Variants in TPD52 observed in about 807,000 individuals in gnomAD.
TPD52 encodes prostate and colon associated protein.
Under a neutral mutation model 31.3 loss-of-function variants are expected in TPD52, and 17 were observed. That is an observed-to-expected ratio of 0.54 (90% CI 0.37 to 0.82). TPD52 has a LOEUF of 0.82. Among genes scored for constraint, TPD52 ranks in the 40% least tolerant of loss-of-function variants. The pLI is 0.00. For synonymous variants in TPD52, 83 were observed against 89.6 expected, an observed-to-expected ratio of 0.93 and a Z score of 0.42; for missense variants, 212 against 240.1, an observed-to-expected ratio of 0.88 and a Z score of 0.77.
chr8:80,044,669 G>A (rs1563563879), intron 5 of TPD52, among the ~76,000 whole-genome samples: 2 of 152,040 alleles, frequency 1.3e-5, no homozygotes, highest in Non-Finnish European at 2.9e-5. Flanking sequence ...GCCCACTCAA[G>A]GACAATGCAG....
intron 1 of TPD52, chr8:80,123,138 A>C (rs1808373568): frequency 6.6e-6 from 1 of 152,290 alleles, no homozygotes. Context: ...TAAGGTAGAG[A>C]GGTGACAGTT....
At chr8:80,045,079 T>C (rs1810711567) in intron 5 of TPD52, among the ~76,000 whole-genome samples, 1 of 152,186 alleles carries the variant, frequency 6.6e-6, no homozygotes, top group African/African-American at 2.4e-5. Flanking sequence ...ATCAATGAAA[T>C]ATTTAAACAC....
chr8:80,122,297 G>A (rs1184445972), intron 1 of TPD52, among the ~76,000 whole-genome samples: 12 of 152,186 alleles, frequency 7.9e-5, no homozygotes, highest in African/African-American at 2.9e-4. Flanking sequence ...GAGAGCAGAA[G>A]CAAGGTGAAT....
intron 1 of TPD52, among the ~76,000 whole-genome samples, chr8:80,118,962 A>T (rs13271853): frequency 6.6e-6 from 1 of 152,040 alleles, no homozygotes; most frequent in African/African-American, 2.4e-5. Flanking sequence ...GTACAAAAAA[A>T]CATGCACAAA....
intron 1 of TPD52, among the ~76,000 whole-genome samples, chr8:80,109,478 C>T (rs1168645631): frequency 7.9e-5 from 12 of 152,170 alleles, no homozygotes; most frequent in Non-Finnish European, 8.8e-5. Flanking sequence ...GCAATCTCGG[C>T]TCACTGCAAC....
chr8:80,141,649 C>T (rs1283271875), intron 1 of TPD52, among the ~76,000 whole-genome samples: 1 of 152,224 alleles, frequency 6.6e-6, no homozygotes, highest in Non-Finnish European at 1.5e-5. Context: ...CGGGGGCTCA[C>T]GCCTGTAATG....
chr8:80,064,045 G>A (rs12541304), intron 2 of TPD52, among the ~76,000 whole-genome samples: 65,898 of 131,358 alleles, frequency 0.5, 17,849 homozygotes, highest in East Asian at 0.68. Context: ...GGGAAGGCAG[G>A]GTAGGGAAGG....
chr8:80,076,127 A>G (rs1414014959), intron 1 of TPD52, among the ~76,000 whole-genome samples: 1 of 152,224 alleles, frequency 6.6e-6, no homozygotes, highest in Non-Finnish European at 1.5e-5. Flanking sequence ...GTACATTAGA[A>G]AATTCTCCCC....
At chr8:80,032,342 G>GT (rs1395562329), downstream of TPD52, among the ~76,000 whole-genome samples, 1 of 152,074 alleles carries the variant, frequency 6.6e-6, no homozygotes, top group Non-Finnish European at 1.5e-5. Flanking sequence ...AGCATCCTCT[G>GT]TAATAGTGAT....
At chr8:80,061,874 A>G (rs1812594527) in intron 2 of TPD52, among the ~76,000 whole-genome samples, 1 of 152,238 alleles carries the variant, frequency 6.6e-6, no homozygotes, top group African/African-American at 2.4e-5. Context: ...CTAAGGAAGT[A>G]TAAGACTCGT....
chr8:80,068,207 C>T (rs1813378948), intron 1 of TPD52, among the ~76,000 whole-genome samples: 2 of 152,120 alleles, frequency 1.3e-5, no homozygotes, highest in African/African-American at 4.8e-5. Flanking sequence ...AAAAACACCC[C>T]ATAACCACCA....
At chr8:80,092,524 T>C (rs1190292320) in intron 1 of TPD52, among the ~76,000 whole-genome samples, 1 of 152,210 alleles carries the variant, frequency 6.6e-6, no homozygotes, top group Non-Finnish European at 1.5e-5. Flanking sequence ...GGAATCAACC[T>C]ATATTCATTA....
At chr8:80,169,139 C>T (rs1203218150) in intron 1 of TPD52, among the ~76,000 whole-genome samples, 4 of 152,136 alleles carry the variant, frequency 2.6e-5, no homozygotes, top group African/African-American at 4.8e-5. Flanking sequence ...CCGGTGCCAC[C>T]GCGCCGAGCT....
At chr8:80,117,893 T>A (rs1301612668) in intron 1 of TPD52, among the ~76,000 whole-genome samples, 1 of 151,808 alleles carries the variant, frequency 6.6e-6, no homozygotes, top group Non-Finnish European at 1.5e-5. Flanking sequence ...CCACCACTCC[T>A]AGCTAATTTT....
At chr8:80,171,122 G>A (rs1812055524) in intron 1 of TPD52, 10 of 674,050 alleles carry the variant, frequency 1.5e-5, no homozygotes, top group South Asian at 1.4e-4. Context: ...CACCCAAAGC[G>A]CATCACGGCC....
At chr8:80,093,985 GA>G (rs1228550915) in intron 1 of TPD52, among the ~76,000 whole-genome samples, 1 of 152,146 alleles carries the variant, frequency 6.6e-6, no homozygotes, top group East Asian at 1.9e-4. Flanking sequence ...GAAGACATGA[GA>G]TTTTTTTTAA....
intron 1 of TPD52, among the ~76,000 whole-genome samples, chr8:80,160,771 C>T (rs1291926909): frequency 2.0e-5 from 3 of 150,716 alleles, no homozygotes; most frequent in Admixed American, 6.7e-5. Context: ...TGGACACGGG[C>T]GGTGGCTCAT....
At chr8:80,050,780 G>GT (rs1811298764) in intron 4 of TPD52, among the ~76,000 whole-genome samples, 1 of 152,116 alleles carries the variant, frequency 6.6e-6, no homozygotes, top group Admixed American at 6.5e-5. Flanking sequence ...AATTCTGGTT[G>GT]TAAGATATAC....
chr8:80,105,241 C>G (rs140280653), intron 1 of TPD52, among the ~76,000 whole-genome samples: 3,982 of 152,136 alleles, frequency 0.026, 183 homozygotes, highest in African/African-American at 0.091. Context: ...ATTTCTGCCT[C>G]CAAAGAAAGA....
Sources: gnomAD v4.1 joint callset for allele counts (sites outside exome capture counted in the v4.1 genomes callset) on GRCh38, gnomAD v4.1.1 for gene constraint, MANE v1.5 for transcripts, NCBI Gene and HGNC (gene_info 2026-07-23, HGNC 2026-07-21) for gene names.